Variants in NCOR2 observed in about 807,000 individuals in gnomAD.
NCOR2 encodes the protein CTG repeat protein 26.
In NCOR2, 81 loss-of-function variants were observed where a neutral mutation model predicts 262.9. That is an observed-to-expected ratio of 0.31 (90% CI 0.26 to 0.37). NCOR2 has a LOEUF of 0.37. Among genes scored for constraint, NCOR2 ranks in the 10% least tolerant of loss-of-function variants. The probability of loss-of-function intolerance (pLI) is 1.00; values close to 1 mark genes in which losing one functional copy is unlikely to be tolerated. For missense variants in NCOR2, 3,385 were observed against 3,621.4 expected, an observed-to-expected ratio of 0.93 and a Z score of 1.68; for synonymous variants, 1,659 against 1,559.3, an observed-to-expected ratio of 1.06 and a Z score of -1.51.
intron 7 of NCOR2, among the ~76,000 whole-genome samples, chr12:124,438,756 GA>G (rs1565944678): frequency 7.0e-6 from 1 of 141,950 alleles, no homozygotes; most frequent in Non-Finnish European, 1.6e-5. Flanking sequence ...GAGAGAGAGA[GA>G]GAGACAGAGA....
chr12:124,450,115 G>A (rs2045427881), intron 6 of NCOR2, among the ~76,000 whole-genome samples: 1 of 152,234 alleles, frequency 6.6e-6, no homozygotes, highest in Non-Finnish European at 1.5e-5. Context: ...TGGCTGCTCT[G>A]CGGGGCATTC....
At chr12:124,344,223 C>A (rs1249518978) in intron 32 of NCOR2, among the ~76,000 whole-genome samples, 1 of 152,184 alleles carries the variant, frequency 6.6e-6, no homozygotes, top group Non-Finnish European at 1.5e-5. Flanking sequence ...GCAGGCAGGG[C>A]CCCAACAGGC....
chr12:124,567,514 G>T (rs1348633053), upstream of NCOR2: 1 of 146,770 alleles, frequency 6.8e-6, no homozygotes, highest in Non-Finnish European at 1.5e-5. Context: ...CGCAGGGCGC[G>T]GGCGCAGGGC....
intron 4 of NCOR2, among the ~76,000 whole-genome samples, chr12:124,467,251 CACCCCCATT>C (rs200303940): frequency 2.9e-5 from 1 of 34,284 alleles, no homozygotes; most frequent in Admixed American, 2.6e-4. Flanking sequence ...TCATCCCCAT[CACCCCCATT>C]ATCCTCATCC....
intron 16 of NCOR2, among the ~76,000 whole-genome samples, chr12:124,387,462 G>A (rs575069717): frequency 2.6e-5 from 4 of 152,280 alleles, no homozygotes; most frequent in South Asian, 2.1e-4. Flanking sequence ...AGAGGGTCCC[G>A]CCAACTCACC....
chr12:124,333,891 T>TGCGCGCGCGCATGTGTGTGG (rs1284127802), intron 41 of NCOR2, among the ~76,000 whole-genome samples: 1 of 143,754 alleles, frequency 7.0e-6, no homozygotes, highest in African/African-American at 2.8e-5. Context: ...TGTGCATGTG[T>TGCGCGCGCGCATGTGTGTGG]GTGTGCGCGC....
In NCOR2 at chr12:124,548,146, C is replaced by A. The variant is rs1303829467; in HGVS notation, c.-164-12535G>T. ...TCCACTCTAACTCTCCTCCACATCA[C>A]ATCAGGCCTCCTAAACGTGCACTGA... is the stretch of plus-strand genomic sequence containing the variant. On this transcript the variant is annotated intron_variant, in intron 1 of 32. Transcript: ENST00000458234. The surrounding 1 kb of genome is among the most constrained non-coding windows in gnomAD (Gnocchi z 5.1). Among the ~76,000 whole-genome samples the A allele has an allele frequency of 6.6e-6, 1 of 152,038 alleles. No individual in the cohort carries two copies. The highest frequency in any genetic ancestry group is 2.4e-5 in the African/African-American group (1 of 41,384).
chr12:124,325,717 G>C (rs1455592167), intron 46 of NCOR2, 134 bp from the exon 49 acceptor site: 2 of 533,450 alleles, frequency 3.7e-6, no homozygotes, highest in African/African-American at 2.0e-5. Flanking sequence ...TTCTAATTGC[G>C]AACAGGTCTC....
chr12:124,402,293 A>C (rs1019684254), intron 14 of NCOR2, 111 bp downstream of exon 16: 2 of 1,547,676 alleles, frequency 1.3e-6, no homozygotes, highest in Non-Finnish European at 8.7e-7. Flanking sequence ...CCCCCTGCTC[A>C]CAGGCAATTG....
At position 124,457,183 on chromosome 12, in the gene NCOR2, G is replaced by C. The variant is rs769526892; in HGVS notation, c.706-21C>G. 1 of 1,535,964 alleles carries C rather than the reference G, an allele frequency of 6.5e-7. No homozygotes were observed. The highest frequency in any genetic ancestry group is 2.6e-5 in the East Asian group (1 of 38,630). Reference sequence around the variant, plus strand: ...TTCTTCTGCAGGGTGATGGCGAAGAGGAGGAATTTTTTTAAAAAACAAAAA... The same window carrying C: ...TTCTTCTGCAGGGTGATGGCGAAGACGAGGAATTTTTTTAAAAAACAAAAA... On this transcript the variant is annotated intron_variant, in intron 5 of 46. Transcript: ENST00000405201. This position sits in a 1 kb window ranked among gnomAD's most constrained non-coding sequence, Gnocchi z 4.0.
intron 24 of NCOR2, chr12:124,355,214 TC>T (rs2037855935): frequency 3.2e-6 from 2 of 634,024 alleles, no homozygotes; most frequent in Non-Finnish European, 5.4e-6. Flanking sequence ...ACAGCCTGGT[TC>T]CTGAGCCATG....
chr12:124,419,544 T>A (rs2043098611), intron 13 of NCOR2, among the ~76,000 whole-genome samples: 1 of 152,224 alleles, frequency 6.6e-6, no homozygotes, highest in African/African-American at 2.4e-5. Flanking sequence ...TGTATTAAGA[T>A]AAACACACAC....
At chr12:124,489,368 T>C (rs1334439912) in intron 1 of NCOR2, among the ~76,000 whole-genome samples, 1 of 152,196 alleles carries the variant, frequency 6.6e-6, no homozygotes, top group Non-Finnish European at 1.5e-5. Context: ...AGGTGGGTAT[T>C]ACAAGAAGCC....
intron 12 of NCOR2, among the ~76,000 whole-genome samples, chr12:124,421,327 C>G (rs962576691): frequency 1.3e-5 from 2 of 152,338 alleles, no homozygotes; most frequent in Admixed American, 6.5e-5. Context: ...ACTTCTAATC[C>G]CCTCATCCTG....
intron 15 of NCOR2, among the ~76,000 whole-genome samples, chr12:124,399,936 C>G (rs981195638): frequency 1.3e-5 from 2 of 152,050 alleles, no homozygotes; most frequent in African/African-American, 4.8e-5. Context: ...AAACTGAGGC[C>G]CACGGAAGTG....
intron 43 of NCOR2, chr12:124,331,810 CA>C (rs1272887660): frequency 6.2e-6 from 1 of 160,302 alleles, no homozygotes; most frequent in Non-Finnish European, 1.4e-5. Flanking sequence ...GTGATTTGTC[CA>C]AACTTCCCTG....
At chr12:124,429,750 C>A in intron 9 of NCOR2, 44 bp from the exon 12 acceptor site, 1 of 1,532,540 alleles carries the variant, frequency 6.5e-7, no homozygotes, top group Non-Finnish European at 8.8e-7. Flanking sequence ...TTCTGGTGGT[C>A]GGGGACACTA....
intron 1 of NCOR2, among the ~76,000 whole-genome samples, chr12:124,552,327 A>C (rs890074128): frequency 1.3e-5 from 2 of 152,078 alleles, no homozygotes; most frequent in Non-Finnish European, 2.9e-5. Context: ...TCAAAAAAAA[A>C]AACCACTAAA....
chr12:124,551,097 G>A (rs2051699866), intron 1 of NCOR2, among the ~76,000 whole-genome samples: 2 of 152,362 alleles, frequency 1.3e-5, no homozygotes, highest in Non-Finnish European at 2.9e-5. Flanking sequence ...TCTGGATGCT[G>A]TGTCTATTAC....
Sources: gnomAD v4.1 joint callset for allele counts (sites outside exome capture counted in the v4.1 genomes callset) on GRCh38, gnomAD v4.1.1 for gene constraint, Gnocchi (gnomAD v3.1) non-coding constraint, MANE v1.5 for transcripts, NCBI Gene and HGNC (gene_info 2026-07-23, HGNC 2026-07-21) for gene names.